CAMKMT: variants seen among roughly 807,000 people sequenced by gnomAD.
CAMKMT encodes CaM KMT.
A neutral mutation model predicts 48.0 loss-of-function variants in CAMKMT; 53 were observed. The ratio of observed to expected loss-of-function variants is 1.10; its 90% CI spans 0.89 to 1.39. CAMKMT has a LOEUF of 1.39. Ranked by LOEUF, CAMKMT falls within the 40% of genes most tolerant of loss-of-function variation. The pLI is 0.00. For synonymous variants in CAMKMT, 165 were observed against 152.3 expected, an observed-to-expected ratio of 1.08 and a Z score of -0.61; for missense variants, 428 against 402.7, an observed-to-expected ratio of 1.06 and a Z score of -0.54.
chr2:44,451,436 G>A (rs892083915), intron 3 of CAMKMT, among the ~76,000 whole-genome samples: 2 of 151,830 alleles, frequency 1.3e-5, no homozygotes, highest in African/African-American at 4.8e-5. Context: ...AGAGGCTGGT[G>A]TTCTTCTACC....
At chr2:44,679,922 C>G (rs1285137670) in intron 3 of CAMKMT, among the ~76,000 whole-genome samples, 1 of 152,212 alleles carries the variant, frequency 6.6e-6, no homozygotes, top group Non-Finnish European at 1.5e-5. Flanking sequence ...GAAGGAATGT[C>G]AAGCACTTCT....
chr2:44,380,718 C>A (rs577198608), intron 2 of CAMKMT, among the ~76,000 whole-genome samples: 1 of 152,126 alleles, frequency 6.6e-6, no homozygotes, highest in Non-Finnish European at 1.5e-5. Flanking sequence ...TCATAAGATG[C>A]CATCTTTTAG....
intron 3 of CAMKMT, among the ~76,000 whole-genome samples, chr2:44,542,787 TACTTAAGACAGAG>T (rs1667202771): frequency 1.3e-5 from 2 of 151,854 alleles, no homozygotes; most frequent in South Asian, 4.2e-4. Context: ...AGTTATGGGG[TACTTAAGACAGAG>T]ACCAGATAAA....
intron 3 of CAMKMT, among the ~76,000 whole-genome samples, chr2:44,486,417 C>T (rs1669220402): frequency 6.6e-6 from 1 of 152,100 alleles, no homozygotes; most frequent in Non-Finnish European, 1.5e-5. Flanking sequence ...TGTTTTTTAG[C>T]TTTTCCAATA....
intron 3 of CAMKMT, among the ~76,000 whole-genome samples, chr2:44,467,096 A>C (rs994485681): frequency 1.3e-5 from 2 of 151,694 alleles, no homozygotes; most frequent in African/African-American, 4.8e-5. Context: ...ACAAAAAATA[A>C]AAGCAAAATT....
intron 6 of CAMKMT, among the ~76,000 whole-genome samples, chr2:44,708,712 G>A (rs868758906): frequency 3.3e-5 from 5 of 151,978 alleles, no homozygotes; most frequent in Non-Finnish European, 5.9e-5. Flanking sequence ...GAGTTATTTC[G>A]TGCATGTATC....
intron 3 of CAMKMT, among the ~76,000 whole-genome samples, chr2:44,655,555 G>C (rs572089829): frequency 6.6e-6 from 1 of 152,262 alleles, no homozygotes; most frequent in Non-Finnish European, 1.5e-5. Flanking sequence ...CTCATTACAG[G>C]TGCTTTTCAA....
At chr2:44,437,838 C>CAAAAA (rs370663723) in intron 3 of CAMKMT, among the ~76,000 whole-genome samples, 3 of 120,446 alleles carry the variant, frequency 2.5e-5, no homozygotes, top group Admixed American at 9.1e-5. Flanking sequence ...GACTCTGCTA[C>CAAAAA]AAAAAAAAAA....
rs115460875 is a variant in CAMKMT at position 44,661,246 on chromosome 2, C to T, written c.377-43037C>T. Among the ~76,000 whole-genome samples, 547 of 149,526 alleles carry T rather than the reference C, an allele frequency of 3.7e-3. 3 individuals carry two copies. Among genetic ancestry groups the T allele is most frequent in the African/African-American group, 0.013 (516 of 40,822 alleles). On this transcript the variant is annotated intron_variant, in intron 3 of 10. Coordinates refer to ENST00000378494, the MANE Select transcript of CAMKMT (RefSeq NM_024766.5). The stretch of plus-strand genomic sequence containing the variant: ...AATGAGTTAGTACAGAAGAATAACA[C>T]ATTTTATTTTGCTCTATTTTATTTT...
chr2:44,401,833 A>C lies in CAMKMT; in HGVS notation c.376+11528A>C, dbSNP rs540908221. 5.9e-5 allele frequency among the ~76,000 whole-genome samples: 9 copies of C among 152,300 alleles called. No homozygotes were observed. In the East Asian group the frequency reaches 1.7e-3, roughly 29 times the overall value. ...TGTCTTCCAGTTTGACCTCTACACC[A>C]GCAACAAGCATCTTGACATCTTCCC... On this transcript the variant is annotated intron_variant, in intron 3 of 10. Coordinates refer to ENST00000378494, the MANE Select transcript of CAMKMT (RefSeq NM_024766.5).
At chr2:44,389,217 ACCT>A (rs971346725) in intron 2 of CAMKMT, among the ~76,000 whole-genome samples, 1 of 151,734 alleles carries the variant, frequency 6.6e-6, no homozygotes, top group Non-Finnish European at 1.5e-5. Context: ...GATTCCCAAT[ACCT>A]CCTCTTCTTA....
intron 7 of CAMKMT, among the ~76,000 whole-genome samples, chr2:44,722,330 G>C (rs1678515304): frequency 6.6e-6 from 1 of 152,016 alleles, no homozygotes; most frequent in Non-Finnish European, 1.5e-5. Flanking sequence ...CAAAGTGGCT[G>C]AACCACTTTA....
At chr2:44,510,438 A>G (rs1466451271) in intron 3 of CAMKMT, among the ~76,000 whole-genome samples, 2 of 152,244 alleles carry the variant, frequency 1.3e-5, no homozygotes, top group African/African-American at 4.8e-5. Flanking sequence ...ACATGATTCT[A>G]ACATGACTCA....
chr2:44,675,544 A>T (rs1235940501), intron 3 of CAMKMT, among the ~76,000 whole-genome samples: 1 of 152,188 alleles, frequency 6.6e-6, no homozygotes, highest in Admixed American at 6.5e-5. Context: ...ATTGACATAC[A>T]AGACAAATTA....
At chr2:44,694,402 T>C (rs1270717068) in intron 3 of CAMKMT, among the ~76,000 whole-genome samples, 1 of 152,096 alleles carries the variant, frequency 6.6e-6, no homozygotes, top group Non-Finnish European at 1.5e-5. Context: ...GGTGAAACCC[T>C]ATCTCTACCA....
intron 7 of CAMKMT, among the ~76,000 whole-genome samples, chr2:44,718,752 G>A (rs1301863127): frequency 6.6e-6 from 1 of 152,236 alleles, no homozygotes; most frequent in Admixed American, 6.5e-5. Flanking sequence ...GATGATGTAA[G>A]TAAGTTTCAC....
chr2:44,606,348 A>G (rs1444097571), intron 3 of CAMKMT, among the ~76,000 whole-genome samples: 1 of 152,210 alleles, frequency 6.6e-6, no homozygotes, highest in African/African-American at 2.4e-5. Flanking sequence ...AAAATGACAA[A>G]TATCTTTTTC....
intron 3 of CAMKMT, among the ~76,000 whole-genome samples, chr2:44,438,848 C>T (rs1336616597): frequency 1.3e-5 from 2 of 152,228 alleles, no homozygotes; most frequent in African/African-American, 4.8e-5. Flanking sequence ...TTTTTGTTTG[C>T]TTCAACTCAC....
Position 44,587,759 on chromosome 2 carries a change from C to T in CAMKMT, c.377-116524C>T, listed in dbSNP as rs28728025. Among the ~76,000 whole-genome samples the T allele has an allele frequency of 3.4e-3, 423 of 126,110 alleles. 3 individuals are homozygous for T. Among genetic ancestry groups the T allele is most frequent in the African/African-American group, 0.011 (391 of 34,972 alleles). The allele number at this position is 126,110 out of a possible 152,430, so 82.7% of individuals were successfully genotyped here. The stretch of plus-strand genomic sequence containing the variant: ...CCTCCCGAGGTGCTGGGATTGCAGA[C>T]GGAGTCTCGTTCACTCAGTGCTCAA... On this transcript the variant is annotated intron_variant, in intron 3 of 10. Transcript: ENST00000378494.
Sources: gnomAD v4.1 joint callset for allele counts (sites outside exome capture counted in the v4.1 genomes callset) on GRCh38, gnomAD v4.1.1 for gene constraint, MANE v1.5 for transcripts, NCBI Gene and HGNC (gene_info 2026-07-23, HGNC 2026-07-21) for gene names.